Variants in PXDNL observed in about 807,000 individuals in gnomAD.
PXDNL encodes the protein peroxidasin like.
In PXDNL, 145 loss-of-function variants were observed where a neutral mutation model predicts 150.8. The ratio of observed to expected loss-of-function variants is 0.96; its 90% CI spans 0.84 to 1.10. The LOEUF (loss-of-function observed/expected upper bound fraction) is 1.10, where lower values mean the gene tolerates loss of function less well. PXDNL is among the 50% of genes least tolerant of loss of function. The probability of loss-of-function intolerance (pLI) is 0.00; values close to 1 mark genes in which losing one functional copy is unlikely to be tolerated. For missense variants in PXDNL, 2,087 were observed against 1,873.9 expected, an observed-to-expected ratio of 1.11 and a Z score of -2.10; for synonymous variants, 757 against 725.7, an observed-to-expected ratio of 1.04 and a Z score of -0.69.
intron 1 of PXDNL, among the ~76,000 whole-genome samples, chr8:51,716,594 A>G (rs1006212372): frequency 6.6e-6 from 1 of 152,266 alleles, no homozygotes. Flanking sequence ...TTTAGAATCC[A>G]TAAGGATAAT....
chr8:51,575,062 C>T (rs1216148840), intron 3 of PXDNL, among the ~76,000 whole-genome samples: 2 of 151,954 alleles, frequency 1.3e-5, no homozygotes, highest in Non-Finnish European at 2.9e-5. Flanking sequence ...AAAATAATAG[C>T]ATTTTCTGAA....
chr8:51,761,755 C>T (rs1399024224), intron 1 of PXDNL, among the ~76,000 whole-genome samples: 1 of 152,042 alleles, frequency 6.6e-6, no homozygotes, highest in East Asian at 1.9e-4. Flanking sequence ...AAAGGTATTC[C>T]AAAGATGCTT....
chr8:51,492,668 C>T (rs949271684), intron 5 of PXDNL, among the ~76,000 whole-genome samples: 11 of 152,272 alleles, frequency 7.2e-5, no homozygotes, highest in Non-Finnish European at 1.5e-4. Context: ...CCTACGCCCA[C>T]GGAGCCTCTC....
At chr8:51,421,831 T>C (rs2129720090) in intron 14 of PXDNL, among the ~76,000 whole-genome samples, 1 of 152,384 alleles carries the variant, frequency 6.6e-6, no homozygotes, top group Non-Finnish European at 1.5e-5. Flanking sequence ...GGATACATTT[T>C]ATTTAAAATA....
chr8:51,353,985 A>G (rs964978669), intron 19 of PXDNL, among the ~76,000 whole-genome samples: 1 of 152,100 alleles, frequency 6.6e-6, no homozygotes, highest in Non-Finnish European at 1.5e-5. Context: ...TTGGATAGAT[A>G]AAGCAGTCTT....
At chr8:51,517,092 C>T (rs980925779) in intron 4 of PXDNL, among the ~76,000 whole-genome samples, 3 of 152,090 alleles carry the variant, frequency 2.0e-5, no homozygotes, top group African/African-American at 7.2e-5. Flanking sequence ...TCATTGTAAC[C>T]TTTCACTACG....
At chr8:51,578,367 G>C (rs1388543919) in intron 3 of PXDNL, among the ~76,000 whole-genome samples, 1 of 151,758 alleles carries the variant, frequency 6.6e-6, no homozygotes, top group East Asian at 1.9e-4. Flanking sequence ...ATACTAAAAA[G>C]CAATACTCTT....
At chr8:51,667,684 A>C (rs1815413610) in intron 1 of PXDNL, among the ~76,000 whole-genome samples, 1 of 152,216 alleles carries the variant, frequency 6.6e-6, no homozygotes, top group African/African-American at 2.4e-5. Flanking sequence ...ATGTGCCAAG[A>C]ATGTGACCAC....
chr8:51,721,799 A>G, intron 1 of PXDNL: 1 of 347,598 alleles, frequency 2.9e-6, no homozygotes, highest in South Asian at 2.8e-5. Context: ...GTGGAGCTCC[A>G]GCCAGCCTCC....
intron 1 of PXDNL, among the ~76,000 whole-genome samples, chr8:51,666,776 A>G (rs1463380000): frequency 6.6e-6 from 1 of 152,152 alleles, no homozygotes; most frequent in Non-Finnish European, 1.5e-5. Context: ...CTGATGGGCC[A>G]TTCTCCTGCA....
intron 9 of PXDNL, among the ~76,000 whole-genome samples, chr8:51,455,000 T>A (rs1809899836): frequency 1.0e-5 from 1 of 95,910 alleles, no homozygotes; most frequent in Admixed American, 9.0e-5. Context: ...TCCCAGCTAC[T>A]CGGGAGGCTG....
At chr8:51,750,359 T>C (rs976327179) in intron 1 of PXDNL, among the ~76,000 whole-genome samples, 9 of 152,202 alleles carry the variant, frequency 5.9e-5, no homozygotes, top group African/African-American at 2.2e-4. Flanking sequence ...ATCTCTATGA[T>C]AACAATGCCT....
intron 1 of PXDNL, among the ~76,000 whole-genome samples, chr8:51,664,290 C>A (rs550781186): frequency 9.2e-5 from 14 of 152,160 alleles, no homozygotes; most frequent in African/African-American, 3.1e-4. Flanking sequence ...TACACAAAAC[C>A]AAAGCATAAC....
chr8:51,409,382 C>T lies in PXDNL; in HGVS notation c.2242G>A (p.Ala748Thr). The T allele has an allele frequency of 6.3e-7, 1 of 1,585,510 alleles. No homozygotes were observed. The highest frequency in any genetic ancestry group is 1.1e-5 in the South Asian group (1 of 88,474). The change falls in exon 17 of 23, where the codon GCC (alanine) becomes ACC (threonine). Residue 748 changes from alanine to threonine, a missense_variant. By Grantham distance (58) the Ala-to-Thr change is moderately conservative. Coordinates refer to ENST00000356297, the MANE Select transcript of PXDNL (RefSeq NM_144651.5). ...QQPTWGAALT[A>T]FARLLQPAYR... ...GCTGGCTGCAGCAGGCGCGCGAAGG[C>T]GGTCAGCGCCGCGCCCCACGTGGGC... is the stretch of plus-strand genomic sequence containing the variant.
At chr8:51,560,552 G>A (rs939216690) in intron 3 of PXDNL, among the ~76,000 whole-genome samples, 6 of 151,876 alleles carry the variant, frequency 4.0e-5, no homozygotes, top group African/African-American at 1.2e-4. Context: ...AATACACAAT[G>A]AGGAAAGGAA....
chr8:51,408,479 C>G lies in PXDNL; in HGVS notation c.3145G>C (p.Ala1049Pro). ...NVNAGIINSF[A>P]TAAFRFGHTL... is the part of the protein sequence containing the mutation. ...TGGCCAAATCTAAAGGCTGCAGTAG[C>G]AAAAGAGTTAATGATGCCTGCATTC... is the stretch of plus-strand genomic sequence containing the variant. Residue 1049 changes from alanine (A) to proline (P), a missense_variant, in exon 17 of 23, where the codon GCT (alanine) becomes CCT (proline). Coordinates refer to ENST00000356297, the MANE Select transcript of PXDNL (RefSeq NM_144651.5). The G allele has an allele frequency of 1.2e-6, 2 of 1,613,698 alleles. No homozygotes were observed. The highest frequency in any genetic ancestry group is 1.7e-6 in the Non-Finnish European group (2 of 1,179,734).
chr8:51,462,716 G>GA (rs894127040), intron 8 of PXDNL, among the ~76,000 whole-genome samples: 1 of 152,044 alleles, frequency 6.6e-6, no homozygotes, highest in Non-Finnish European at 1.5e-5. Flanking sequence ...AAACAACTGG[G>GA]AAAACATATC....
intron 2 of PXDNL, among the ~76,000 whole-genome samples, chr8:51,643,061 GA>G (rs1335162061): frequency 6.6e-6 from 1 of 152,076 alleles, no homozygotes; most frequent in Admixed American, 6.6e-5. Flanking sequence ...ACAAATGGAA[GA>G]ATATTCCATG....
At chr8:51,603,115 C>A (rs1813761957) in intron 2 of PXDNL, among the ~76,000 whole-genome samples, 1 of 151,876 alleles carries the variant, frequency 6.6e-6, no homozygotes, top group Non-Finnish European at 1.5e-5. Flanking sequence ...AAATCTCCAA[C>A]ATGTATCTGG....
Sources: allele counts gnomAD v4.1 joint callset (sites outside exome capture counted in the v4.1 genomes callset), GRCh38; gene constraint gnomAD v4.1.1; transcripts MANE v1.5; gene names NCBI Gene and HGNC (gene_info 2026-07-23, HGNC 2026-07-21).